Variants in IL10RB observed in about 807,000 individuals in gnomAD.
IL10RB encodes the protein interleukin 10 receptor subunit beta.
A neutral mutation model predicts 38.7 loss-of-function variants in IL10RB; 30 were observed. The observed-to-expected ratio is 0.78, with a 90% CI of 0.58 to 1.05. The LOEUF is 1.05. Among genes scored for constraint, IL10RB ranks in the 50% least tolerant of loss-of-function variants. The pLI is 0.00. For missense variants in IL10RB, 328 were observed against 397.1 expected, an observed-to-expected ratio of 0.83 and a Z score of 1.48; for synonymous variants, 142 against 145.9, an observed-to-expected ratio of 0.97 and a Z score of 0.19.
intron 1 of IL10RB, among the ~76,000 whole-genome samples, chr21:33,303,462 C>T (rs1412588900): frequency 6.7e-6 from 1 of 149,106 alleles, no homozygotes; most frequent in Non-Finnish European, 1.5e-5. Context: ...TCAAGCGATT[C>T]TCCTGCCTCA....
chr21:33,288,244 C>G lies in IL10RB; in HGVS notation c.787C>G (p.Pro263Ala). The change falls in exon 6 of 7, where the codon CCA (proline) becomes GCA (alanine). Residue 263 changes from proline to alanine, a missense_variant. Pro to Ala is a conservative substitution (Grantham distance 27). Coordinates refer to ENST00000290200, the MANE Select transcript of IL10RB (RefSeq NM_000628.5). The stretch of plus-strand genomic sequence containing the variant: ...CGCCTTCTCCCCTAGGAATTCTCTT[C>G]CACAGCACCTGAAAGAGGTAGGTAG... ...KYAFSPRNSL[P>A]QHLKEFLGHP... 6.2e-7 allele frequency: 1 copy of G among 1,614,012 alleles called. No individual in the cohort carries two copies. Among genetic ancestry groups the G allele is most frequent in the Non-Finnish European group, 8.5e-7 (1 of 1,179,902 alleles).
rs950418598 is a variant in IL10RB at position 33,266,418 on chromosome 21, C to T, written c.-48C>T. On this transcript the variant is annotated 5_prime_UTR_variant, in exon 1 of 7. Coordinates refer to ENST00000290200, the MANE Select transcript of IL10RB (RefSeq NM_000628.5). ...GCGGACAAGCTCTCCCGGGCGCGGG[C>T]GGGGGTCGTGTGCTTGGAGGAAGCC... 4.6e-6 allele frequency: 7 copies of T among 1,532,682 alleles called. No individual in the cohort carries two copies. Among genetic ancestry groups the T allele is most frequent in the East Asian group, 2.5e-5 (1 of 40,556 alleles). The allele number at this position is 1,532,682 out of a possible 1,614,324, so 94.9% of individuals were successfully genotyped here.
intron 6 of IL10RB, among the ~76,000 whole-genome samples, chr21:33,288,659 G>A (rs1989426830): frequency 6.6e-6 from 1 of 152,188 alleles, no homozygotes; most frequent in African/African-American, 2.4e-5. Flanking sequence ...TCACCAGAGG[G>A]AGAGAATGGG....
intron 6 of IL10RB, among the ~76,000 whole-genome samples, chr21:33,290,093 A>G (rs1989456164): frequency 6.6e-6 from 1 of 151,928 alleles, no homozygotes; most frequent in South Asian, 2.1e-4. Context: ...TAACCTGGGC[A>G]ACAGAGCGAG....
chr21:33,271,477 C>T (rs1159803958), intron 2 of IL10RB, among the ~76,000 whole-genome samples: 2 of 151,964 alleles, frequency 1.3e-5, no homozygotes, highest in Non-Finnish European at 2.9e-5. Flanking sequence ...GCCCGTAATC[C>T]CAGCACTTTG....
chr21:33,304,349 C>T (rs1250597453), intron 1 of IL10RB, among the ~76,000 whole-genome samples: 1 of 152,162 alleles, frequency 6.6e-6, no homozygotes, highest in Non-Finnish European at 1.5e-5. Context: ...ACAGCCAAAG[C>T]CTGAAGGCAG....
chr21:33,308,333 G>T (rs1041151658), intron 1 of IL10RB: 7 of 152,126 alleles, frequency 4.6e-5, no homozygotes, highest in African/African-American at 1.4e-4. Context: ...ATCACTTCAT[G>T]GATGTTAAAG....
At chr21:33,300,508 CAG>C (rs1434554802), downstream of IL10RB, among the ~76,000 whole-genome samples, 3 of 150,160 alleles carry the variant, frequency 2.0e-5, no homozygotes, top group Non-Finnish European at 3.0e-5. Context: ...GCAGATTAAA[CAG>C]AGAGCTGTAA....
rs886965637 is a variant in IL10RB at position 33,268,488 on chromosome 21, G to C, written c.144G>C (p.Gly48=). The change falls in exon 2 of 7, where the codon GGG becomes GGC. Residue 48 remains glycine (G), a synonymous_variant. Coordinates refer to ENST00000290200, the MANE Select transcript of IL10RB (RefSeq NM_000628.5). ...GGGAGTCACCTGCTTTTGCCAAAGG[G>C]AACCTGACTTTCACAGCTCAGTACC... ...LQWESPAFAK[G]NLTFTAQYLS... 1 of 1,613,890 alleles carries C rather than the reference G, an allele frequency of 6.2e-7. No homozygotes were observed. Among genetic ancestry groups the C allele is most frequent in the Non-Finnish European group, 8.5e-7 (1 of 1,179,730 alleles).
intron 2 of IL10RB, among the ~76,000 whole-genome samples, chr21:33,268,875 C>T (rs1432616876): frequency 2.0e-5 from 3 of 152,096 alleles, no homozygotes; most frequent in East Asian, 3.8e-4. Flanking sequence ...AATACCACTG[C>T]TGTCATCTCT....
At chr21:33,270,673 C>CTT (rs796928133) in intron 2 of IL10RB, among the ~76,000 whole-genome samples, 1 of 138,632 alleles carries the variant, frequency 7.2e-6, no homozygotes, top group Non-Finnish European at 1.6e-5. Flanking sequence ...CGCGCCCAGC[C>CTT]TTTTTTTTTT....
intron 3 of IL10RB, among the ~76,000 whole-genome samples, chr21:33,277,664 C>CT (rs8178478): frequency 0.36 from 46,835 of 128,792 alleles, 9,042 homozygotes; most frequent in Non-Finnish European, 0.44. Context: ...TTCTTTCTTT[C>CT]TTTCTTTTTT....
At chr21:33,306,256 A>G (rs952145589) in intron 1 of IL10RB, among the ~76,000 whole-genome samples, 2 of 152,238 alleles carry the variant, frequency 1.3e-5, no homozygotes, top group Non-Finnish European at 2.9e-5. Context: ...AAAGAATATA[A>G]GAACAGAGAC....
At chr21:33,267,449 G>A (rs1269230392) in intron 1 of IL10RB, among the ~76,000 whole-genome samples, 42 of 148,100 alleles carry the variant, frequency 2.8e-4, no homozygotes, top group Admixed American at 2.8e-3. Flanking sequence ...TTGCATGTAG[G>A]TTTCAAATTT....
downstream of IL10RB, among the ~76,000 whole-genome samples, chr21:33,300,305 G>A (rs2082982499): frequency 6.6e-6 from 1 of 152,062 alleles, no homozygotes; most frequent in Non-Finnish European, 1.5e-5. Flanking sequence ...GCCAGGCGTG[G>A]TGGCAGGTGC....
At chr21:33,267,482 GTTTT>G (rs368499766) in intron 1 of IL10RB, among the ~76,000 whole-genome samples, 6 of 124,682 alleles carry the variant, frequency 4.8e-5, no homozygotes, top group African/African-American at 9.3e-5. Flanking sequence ...TTCTTCTTCC[GTTTT>G]TTTTTTTGTT....
intron 2 of IL10RB, among the ~76,000 whole-genome samples, chr21:33,272,395 G>A (rs984375107): frequency 6.6e-6 from 1 of 151,982 alleles, no homozygotes; most frequent in African/African-American, 2.4e-5. Flanking sequence ...TGTCTTGGGG[G>A]ACCAATCAGA....
downstream of IL10RB, among the ~76,000 whole-genome samples, chr21:33,299,950 T>G (rs74478861): frequency 5.8e-3 from 876 of 152,280 alleles, 6 homozygotes; most frequent in Non-Finnish European, 9.2e-3. Flanking sequence ...ACAGGAAGAT[T>G]TCTTTCCTGA....
rs146162316 is a variant in IL10RB at position 33,291,781 on chromosome 21, G to C, written c.804+3520G>C. Among the ~76,000 whole-genome samples the C allele has an allele frequency of 1.7e-3, 253 of 152,268 alleles. 3 individuals are homozygous for C. The highest frequency in any genetic ancestry group is 5.8e-3 in the African/African-American group (240 of 41,548). Reference sequence around the variant, plus strand: ...TCATCAGCTTGCTACCAGGTGGCTGGTCAGTCTCCTCGGGGAATGCCGTCA... The same window carrying C: ...TCATCAGCTTGCTACCAGGTGGCTGCTCAGTCTCCTCGGGGAATGCCGTCA... On this transcript the variant is annotated intron_variant, in intron 6 of 6. Transcript: ENST00000290200.
Sources: allele counts gnomAD v4.1 joint callset (sites outside exome capture counted in the v4.1 genomes callset), GRCh38; gene constraint gnomAD v4.1.1; transcripts MANE v1.5; gene names NCBI Gene and HGNC (gene_info 2026-07-23, HGNC 2026-07-21).